XIRP2: variants seen among roughly 807,000 people sequenced by gnomAD.
XIRP2 encodes xin actin binding repeat containing 2, also known as xin actin-binding repeat-containing protein 2.
Under a neutral mutation model 277.0 loss-of-function variants are expected in XIRP2, and 236 were observed. The ratio of observed to expected loss-of-function variants is 0.85; its 90% confidence interval spans 0.77 to 0.95. The LOEUF is 0.95. Among genes scored for constraint, XIRP2 ranks in the 40% least tolerant of loss-of-function variants. XIRP2 has a pLI of 0.00. For synonymous variants in XIRP2, 1,490 were observed against 1,416.5 expected, an observed-to-expected ratio of 1.05 and a Z score of -1.17; for missense variants, 4,640 against 4,157.5, an observed-to-expected ratio of 1.12 and a Z score of -3.19.
At chr2:167,187,263 G>A (rs1693182521) in intron 3 of XIRP2, 7 of 985,146 alleles carry the variant, frequency 7.1e-6, no homozygotes, top group Admixed American at 6.2e-5. Context: ...TTAAAAGAGT[G>A]GTTGACTCAG....
chr2:167,158,684 T>C (rs1692275059), intron 3 of XIRP2, among the ~76,000 whole-genome samples: 1 of 152,210 alleles, frequency 6.6e-6, no homozygotes, highest in South Asian at 2.1e-4. Context: ...TTATTGAAAC[T>C]TGTAAATTTT....
Position 167,244,822 on chromosome 2 carries a change from G to C in XIRP2, c.3430G>C (p.Glu1144Gln). The change falls in exon 9 of 11, where the codon GAA (glutamate) becomes CAA (glutamine). Residue 1144 changes from glutamate to glutamine, a missense_variant. Physicochemically the swap from Glu to Gln is conservative, Grantham distance 29. Transcript: ENST00000409195. ...ACTTGATACCATAAAAGATGACTCT[G>C]AAACAGCAGTCAAATTGCAAACTGT... The part of the protein sequence containing the change: ...QPLDTIKDDS[E>Q]TAVKLQTVKQ... The C allele has an allele frequency of 6.2e-7, 1 of 1,613,708 alleles. No individual in the cohort carries two copies. The highest frequency in any genetic ancestry group is 2.2e-5 in the East Asian group (1 of 44,838).
At chr2:166,942,544 G>T (rs1325808685) in intron 2 of XIRP2, among the ~76,000 whole-genome samples, 1 of 152,186 alleles carries the variant, frequency 6.6e-6, no homozygotes. Flanking sequence ...GTCCAAGACT[G>T]TATGTTATGC....
At chr2:167,185,097 T>A (rs142229432) in intron 3 of XIRP2, among the ~76,000 whole-genome samples, 58 of 152,306 alleles carry the variant, frequency 3.8e-4, no homozygotes, top group African/African-American at 1.3e-3. Flanking sequence ...ACTGTAATAA[T>A]GAATGGTCAG....
At chr2:166,999,701 TAC>T (rs1174158342) in intron 2 of XIRP2, among the ~76,000 whole-genome samples, 7 of 152,156 alleles carry the variant, frequency 4.6e-5, no homozygotes, top group Non-Finnish European at 1.0e-4. Context: ...ATTTCAAATC[TAC>T]AGTCTTACAG....
intron 3 of XIRP2, among the ~76,000 whole-genome samples, chr2:167,194,775 T>A (rs955168707): frequency 6.6e-6 from 1 of 152,202 alleles, no homozygotes; most frequent in African/African-American, 2.4e-5. Flanking sequence ...CATTTCCTCA[T>A]CTGACATCAG....
intron 2 of XIRP2, among the ~76,000 whole-genome samples, chr2:167,091,878 G>A (rs974333650): frequency 2.6e-5 from 4 of 152,050 alleles, no homozygotes; most frequent in South Asian, 2.1e-4. Context: ...CAATTGTCAG[G>A]TCACGTTTCC....
chr2:167,157,377 A>G (rs2105337210), intron 3 of XIRP2, among the ~76,000 whole-genome samples: 1 of 152,302 alleles, frequency 6.6e-6, no homozygotes, highest in Non-Finnish European at 1.5e-5. Flanking sequence ...TGCTTGGGAT[A>G]ACATTTGATC....
At chr2:166,929,020 CT>C (rs1685258904) in intron 2 of XIRP2, among the ~76,000 whole-genome samples, 1 of 152,036 alleles carries the variant, frequency 6.6e-6, no homozygotes, top group Non-Finnish European at 1.5e-5. Context: ...ACTATATAAT[CT>C]TTGTAAATAC....
At chr2:167,181,628 C>T (rs1693011509) in intron 3 of XIRP2, among the ~76,000 whole-genome samples, 1 of 152,096 alleles carries the variant, frequency 6.6e-6, no homozygotes, top group South Asian at 2.1e-4. Flanking sequence ...TTATACCTTA[C>T]CTTTTTTCCT....
chr2:167,163,393 A>C (rs142768847), intron 3 of XIRP2, among the ~76,000 whole-genome samples: 45 of 152,244 alleles, frequency 3.0e-4, no homozygotes, highest in Non-Finnish European at 6.0e-4. Flanking sequence ...TTGTAGTTTT[A>C]ATTAGCATTT....
chr2:167,072,341 T>G (rs768522308), intron 2 of XIRP2, among the ~76,000 whole-genome samples: 2 of 152,168 alleles, frequency 1.3e-5, no homozygotes, highest in Non-Finnish European at 2.9e-5. Context: ...TTTAACCATA[T>G]CAAGTTAGTA....
intron 2 of XIRP2, among the ~76,000 whole-genome samples, chr2:166,985,541 T>C (rs1350987355): frequency 2.6e-5 from 4 of 151,788 alleles, no homozygotes; most frequent in Non-Finnish European, 5.9e-5. Context: ...AGCAATTCTC[T>C]TGACTCAGCC....
At chr2:167,010,571 A>T (rs1436495345) in intron 2 of XIRP2, among the ~76,000 whole-genome samples, 1 of 152,202 alleles carries the variant, frequency 6.6e-6, no homozygotes, top group African/African-American at 2.4e-5. Context: ...TTGGTTCCAT[A>T]TGAACTTTAA....
intron 2 of XIRP2, among the ~76,000 whole-genome samples, chr2:167,093,598 G>A (rs1690212565): frequency 6.6e-6 from 1 of 152,042 alleles, no homozygotes; most frequent in Non-Finnish European, 1.5e-5. Context: ...TTAGTTTACT[G>A]AGAATGATGC....
intron 3 of XIRP2, among the ~76,000 whole-genome samples, chr2:167,192,701 C>T (rs922473508): frequency 6.6e-6 from 1 of 152,110 alleles, no homozygotes; most frequent in Non-Finnish European, 1.5e-5. Flanking sequence ...CTGCGGCATC[C>T]AGAGCTATTT....
intron 2 of XIRP2, among the ~76,000 whole-genome samples, chr2:166,939,192 G>A (rs1000294334): frequency 6.6e-6 from 1 of 152,122 alleles, no homozygotes. Flanking sequence ...AGCATCGATG[G>A]TCTTTACAAT....
chr2:167,231,908 G>C (rs1278203956), intron 5 of XIRP2, among the ~76,000 whole-genome samples: 1 of 151,998 alleles, frequency 6.6e-6, no homozygotes, highest in African/African-American at 2.4e-5. Flanking sequence ...GCCGGTGGCA[G>C]CAACCAGAGT....
At chr2:166,936,304 G>C (rs1409656554) in intron 2 of XIRP2, among the ~76,000 whole-genome samples, 1 of 152,088 alleles carries the variant, frequency 6.6e-6, no homozygotes, top group Non-Finnish European at 1.5e-5. Flanking sequence ...TGTAGATTCT[G>C]GATATTAGCC....
Sources: gnomAD v4.1 joint callset for allele counts (sites outside exome capture counted in the v4.1 genomes callset) on GRCh38, gnomAD v4.1.1 for gene constraint, MANE v1.5 for transcripts, NCBI Gene and HGNC (gene_info 2026-07-23, HGNC 2026-07-21) for gene names.